SLC7A2: variants seen among roughly 807,000 people sequenced by gnomAD.
SLC7A2 encodes the protein solute carrier family 7 member 2.
In SLC7A2, 48 loss-of-function variants were observed where a neutral mutation model predicts 58.9. The observed-to-expected ratio is 0.82, with a 90% CI of 0.65 to 1.04. The LOEUF (loss-of-function observed/expected upper bound fraction) is 1.04, where lower values mean the gene tolerates loss of function less well. Among genes scored for constraint, SLC7A2 ranks in the 50% least tolerant of loss-of-function variants. The probability of loss-of-function intolerance (pLI) is 0.00; values close to 1 mark genes in which losing one functional copy is unlikely to be tolerated. For missense variants in SLC7A2, 1,029 were observed against 818.8 expected (o/e 1.26, Z -3.13); for synonymous variants, 363 against 314.5 (o/e 1.15, Z -1.63).
rs1802026963 is a variant in SLC7A2 at position 17,543,703 on chromosome 8, T to A, written c.364T>A (p.Ser122Thr). ...AFITGWNLIL[S>T]YVIGTSSVAR... ...CATCACTGGCTGGAATCTCATTTTATCGTATGTGATAGGTATGTTTCAAAA... is the reference window on the plus strand; with the variant it reads ...CATCACTGGCTGGAATCTCATTTTAACGTATGTGATAGGTATGTTTCAAAA... Residue 122 changes from serine to threonine, a missense_variant, in exon 3 of 13, where the codon TCG (serine) becomes ACG (threonine). Transcript: ENST00000494857. 9.9e-6 allele frequency: 15 copies of A among 1,517,766 alleles called. No homozygotes were observed. Among genetic ancestry groups the A allele is most frequent in the Non-Finnish European group, 1.3e-5 (15 of 1,133,968 alleles). The allele number at this position is 1,517,766 out of a possible 1,614,324, so 94.0% of individuals were successfully genotyped here. A position where few individuals can be genotyped will look rare whatever the true frequency, so the allele number is the denominator to read the frequency against.
At chr8:17,516,490 C>T (rs1015466443) in intron 2 of SLC7A2, among the ~76,000 whole-genome samples, 4 of 152,212 alleles carry the variant, frequency 2.6e-5, no homozygotes, top group Non-Finnish European at 5.9e-5. Context: ...ACCCAAAGAG[C>T]TGGGATGACA....
intron 12 of SLC7A2, among the ~76,000 whole-genome samples, chr8:17,564,065 C>T (rs1803151869): frequency 6.6e-6 from 1 of 152,200 alleles, no homozygotes; most frequent in African/African-American, 2.4e-5. Context: ...GTACTTAAAA[C>T]GTTGCCTCCT....
chr8:17,549,156 C>G (rs530555765), intron 5 of SLC7A2, among the ~76,000 whole-genome samples: 1 of 152,164 alleles, frequency 6.6e-6, no homozygotes, highest in East Asian at 1.9e-4. Context: ...AAAGACCTGC[C>G]CCCATGATTC....
intron 2 of SLC7A2, among the ~76,000 whole-genome samples, chr8:17,525,126 C>T (rs1229338706): frequency 2.0e-5 from 3 of 152,158 alleles, no homozygotes; most frequent in African/African-American, 7.2e-5. Context: ...TTTGCCTTGA[C>T]TTCTTAAGTT....
chr8:17,542,023 T>G (rs1262355100), intron 2 of SLC7A2, among the ~76,000 whole-genome samples: 1 of 152,216 alleles, frequency 6.6e-6, no homozygotes, highest in East Asian at 1.9e-4. Context: ...GCATGGACTT[T>G]GGACTTATTT....
intron 7 of SLC7A2, among the ~76,000 whole-genome samples, chr8:17,552,526 GTGAAGTTGGT>G (rs1420882646): frequency 6.6e-6 from 1 of 151,086 alleles, no homozygotes; most frequent in Non-Finnish European, 1.5e-5. Flanking sequence ...ACCAATCAGA[GTGAAGTTGGT>G]CTAGAAATAG....
At chr8:17,514,588 T>C (rs1800728029) in intron 2 of SLC7A2, among the ~76,000 whole-genome samples, 1 of 152,214 alleles carries the variant, frequency 6.6e-6, no homozygotes. Context: ...CTTTTATAGC[T>C]GTTCTGAGTA....
chr8:17,561,161 C>T (rs565924006), intron 10 of SLC7A2, among the ~76,000 whole-genome samples: 2 of 152,182 alleles, frequency 1.3e-5, no homozygotes, highest in African/African-American at 2.4e-5. Flanking sequence ...AGAAAAGATG[C>T]AGATGATATA....
intron 2 of SLC7A2, among the ~76,000 whole-genome samples, chr8:17,522,263 G>T (rs1012218434): frequency 1.3e-5 from 2 of 152,024 alleles, no homozygotes; most frequent in Non-Finnish European, 2.9e-5. Context: ...ATCAAATCTC[G>T]TGAGACTTAT....
Position 17,551,881 on chromosome 8 carries a change from A to G in SLC7A2, c.950A>G (p.Tyr317Cys). ...SAALTLMMPY[Y>C]LLDEKSPLPV... is the part of the protein sequence containing the mutation. ...GCTTTAACACTTATGATGCCGTACT[A>G]CCTCCTCGATGAAAAAAGCCCCCTT... is the stretch of plus-strand genomic sequence containing the variant. Residue 317 changes from tyrosine (Y) to cysteine (C), a missense_variant, in exon 7 of 13, where the codon TAC (tyrosine) becomes TGC (cysteine). By Grantham distance (194) the Tyr-to-Cys change is radical. Transcript: ENST00000494857. 1 of 1,613,608 alleles carries G rather than the reference A, an allele frequency of 6.2e-7. No homozygotes were observed. The highest frequency in any genetic ancestry group is 2.2e-5 in the East Asian group (1 of 44,814).
intron 2 of SLC7A2, among the ~76,000 whole-genome samples, chr8:17,523,722 G>C (rs1801108509): frequency 6.6e-6 from 1 of 152,092 alleles, no homozygotes; most frequent in African/African-American, 2.4e-5. Context: ...TCATGACCAA[G>C]AACCCAAAAG....
At chr8:17,510,231 A>G (rs1800547456) in intron 2 of SLC7A2, among the ~76,000 whole-genome samples, 1 of 139,498 alleles carries the variant, frequency 7.2e-6, no homozygotes, top group South Asian at 2.2e-4. Flanking sequence ...AAATAAACAA[A>G]TAATAATAAT....
intron 8 of SLC7A2, chr8:17,555,163 C>A: frequency 1.5e-6 from 2 of 1,301,616 alleles, no homozygotes; most frequent in South Asian, 1.4e-5. Context: ...AGAGGGTCTG[C>A]ATGCTGTGCA....
chr8:17,520,693 T>G, intron 2 of SLC7A2: 1 of 310,472 alleles, frequency 3.2e-6, no homozygotes, highest in Non-Finnish European at 4.4e-6. Flanking sequence ...CAAACAGAAA[T>G]TTACTTTCAT....
intron 2 of SLC7A2, among the ~76,000 whole-genome samples, chr8:17,533,797 G>C (rs757205683): frequency 1.3e-5 from 2 of 152,266 alleles, no homozygotes; most frequent in East Asian, 3.9e-4. Context: ...TGTGCAGGAC[G>C]TGCAGGTTTG....
At chr8:17,542,046 C>G (rs1801935238) in intron 2 of SLC7A2, among the ~76,000 whole-genome samples, 2 of 152,016 alleles carry the variant, frequency 1.3e-5, no homozygotes, top group African/African-American at 2.4e-5. Flanking sequence ...CTAGAAATCT[C>G]AAATATAATA....
Position 17,554,623 on chromosome 8 carries a change from T to G in SLC7A2, c.1119T>G (p.Leu373=), listed in dbSNP as rs769486434. The part of the protein sequence containing the change: ...VIYAMAEDGL[L]FKCLAQINSK... ...ATGCTATGGCGGAGGATGGGTTGCT[T>G]TTCAAATGTCTAGCTCAAATCAATT... Residue 373 remains leucine (L), a synonymous_variant, in exon 8 of 13, where the codon CTT becomes CTG. Transcript: ENST00000494857. 1.9e-6 allele frequency: 3 copies of G among 1,613,542 alleles called. No homozygotes were observed. The highest frequency in any genetic ancestry group is 2.5e-6 in the Non-Finnish European group (3 of 1,179,908).
rs138713058 is a variant in SLC7A2, at chr8:17,560,471, G to A, written c.1442G>A (p.Cys481Tyr). 2.5e-6 allele frequency: 4 copies of A among 1,613,850 alleles called. No individual in the cohort carries two copies. In the African/African-American group the frequency reaches 5.3e-5, roughly 22 times the overall value. ...GGCTTCAGCATGCGGACCCTCTTCT[G>A]CCCCTCCCTTCTGCCAACACAGCAG... is the stretch of plus-strand genomic sequence containing the variant. Reference protein sequence around the residue: ...RQGFSMRTLFCPSLLPTQQSA... With the variant: ...RQGFSMRTLFYPSLLPTQQSA... Residue 481 changes from cysteine to tyrosine, a missense_variant, in exon 10 of 13, where the codon TGC (cysteine) becomes TAC (tyrosine). Transcript: ENST00000494857.
At chr8:17,503,486 A>C (rs982566211) in intron 2 of SLC7A2, among the ~76,000 whole-genome samples, 1 of 152,216 alleles carries the variant, frequency 6.6e-6, no homozygotes, top group African/African-American at 2.4e-5. Context: ...AAGAGTACTT[A>C]TTATTCATAC....
Sources: gnomAD v4.1 joint callset for allele counts (sites outside exome capture counted in the v4.1 genomes callset) on GRCh38, gnomAD v4.1.1 for gene constraint, MANE v1.5 for transcripts, NCBI Gene and HGNC (gene_info 2026-07-23, HGNC 2026-07-21) for gene names.